Variants in SNX29 observed in about 807,000 individuals in gnomAD.
SNX29 encodes the protein sorting nexin-29.
In SNX29, 78 loss-of-function variants were observed where a neutral mutation model predicts 102.1. The ratio of observed to expected loss-of-function variants is 0.76; its 90% CI spans 0.64 to 0.92. The LOEUF (loss-of-function observed/expected upper bound fraction) is 0.92, where lower values mean the gene tolerates loss of function less well. Among genes scored for constraint, SNX29 ranks in the 40% least tolerant of loss-of-function variants. SNX29 has a pLI of 0.00. For synonymous variants in SNX29, 580 were observed against 414.5 expected, an observed-to-expected ratio of 1.40 and a Z score of -4.85; for missense variants, 1,280 against 1,061.7, an observed-to-expected ratio of 1.21 and a Z score of -2.86.
At chr16:12,549,213 C>G (rs1359761232) in intron 20 of SNX29, among the ~76,000 whole-genome samples, 1 of 152,174 alleles carries the variant, frequency 6.6e-6, no homozygotes. Flanking sequence ...ATGCTTGTGT[C>G]TGCCAGCCAT....
chr16:12,555,514 G>A (rs555122424), intron 20 of SNX29, among the ~76,000 whole-genome samples: 4 of 151,556 alleles, frequency 2.6e-5, no homozygotes, highest in East Asian at 2.0e-4. Flanking sequence ...GGGATTGACT[G>A]GACAGCGCCC....
In SNX29 at chr16:12,572,971, A is replaced by C. The variant is rs1218699875; in HGVS notation, c.*4342A>C. 1 of 528,080 alleles carries C rather than the reference A, an allele frequency of 1.9e-6. No homozygotes were observed. The highest frequency in any genetic ancestry group is 2.6e-6 in the Non-Finnish European group (1 of 388,804). The allele number at this position is 528,080 out of a possible 1,614,324, so 32.7% of individuals were successfully genotyped here. ...TATGAGCAAGGTCAAAGATTTTTCA[A>C]AATATTGTGCATTAATTCATTAAAG... On this transcript the variant is annotated 3_prime_UTR_variant, in exon 21 of 21. Coordinates refer to ENST00000566228, the MANE Select transcript of SNX29 (RefSeq NM_032167.5).
At chr16:12,304,984 A>G (rs2080294455) in intron 15 of SNX29, among the ~76,000 whole-genome samples, 1 of 152,238 alleles carries the variant, frequency 6.6e-6, no homozygotes, top group African/African-American at 2.4e-5. Context: ...ACTTAATGCT[A>G]AAATGCAACT....
At chr16:12,225,033 C>T (rs569790155) in intron 14 of SNX29, among the ~76,000 whole-genome samples, 2 of 152,186 alleles carry the variant, frequency 1.3e-5, no homozygotes, top group East Asian at 3.8e-4. Flanking sequence ...GGATCTTGAC[C>T]TCCTCTTACT....
intron 16 of SNX29, chr16:12,366,889 ACTCTCTCT>A (rs78636663): frequency 4.5e-5 from 4 of 88,254 alleles, no homozygotes; most frequent in Admixed American, 4.0e-4. Context: ...CCCCTGCCTG[ACTCTCTCT>A]CTCTGTGGTT....
rs771160114 is a variant in SNX29 at position 12,569,030 on chromosome 16, C to G, written c.*401C>G. 12 of 241,908 alleles carry G rather than the reference C, an allele frequency of 5.0e-5. No homozygotes were observed. Among genetic ancestry groups the G allele is most frequent in the Middle Eastern group, 1.2e-3 (1 of 818 alleles). The allele number at this position is 241,908 out of a possible 1,614,324, so 15.0% of individuals were successfully genotyped here. ...GGTTCATGCAGAGCCAGCCTCTCCACTCTTTCCCACGTGGGGACTAGAATG... is the reference window on the plus strand; with the variant it reads ...GGTTCATGCAGAGCCAGCCTCTCCAGTCTTTCCCACGTGGGGACTAGAATG... On this transcript the variant is annotated 3_prime_UTR_variant, in exon 21 of 21. Transcript: ENST00000566228.
chr16:12,084,771 T>A (rs1373700915), intron 11 of SNX29, among the ~76,000 whole-genome samples: 4 of 152,070 alleles, frequency 2.6e-5, no homozygotes, highest in Non-Finnish European at 5.9e-5. Flanking sequence ...GGATCAGAGT[T>A]AAGAGTCAAT....
chr16:12,322,607 G>A (rs1166447278), intron 15 of SNX29, among the ~76,000 whole-genome samples: 3 of 152,138 alleles, frequency 2.0e-5, no homozygotes, highest in East Asian at 3.9e-4. Flanking sequence ...ACTCCTTTGG[G>A]TAACTTGGGG....
intron 4 of SNX29, among the ~76,000 whole-genome samples, chr16:12,037,376 C>A (rs1421386195): frequency 6.6e-6 from 1 of 152,036 alleles, no homozygotes; most frequent in Non-Finnish European, 1.5e-5. Flanking sequence ...AGAACTTGTG[C>A]GAAGAGACCC....
At chr16:12,483,114 G>GT (rs574090459) in intron 19 of SNX29, among the ~76,000 whole-genome samples, 1,539 of 66,160 alleles carry the variant, frequency 0.023, 216 homozygotes, top group Middle Eastern at 0.037. Context: ...AAGTTATTAA[G>GT]TTTTTTTTTT....
At chr16:12,492,146 A>G (rs1049856503) in intron 19 of SNX29, among the ~76,000 whole-genome samples, 1 of 152,232 alleles carries the variant, frequency 6.6e-6, no homozygotes, top group Non-Finnish European at 1.5e-5. Context: ...AGTCCCACCA[A>G]CAGTGTAAAA....
Position 12,148,610 on chromosome 16 carries a change from T to C in SNX29, c.1595+18852T>C, listed in dbSNP as rs545684271. ...TTCCATAGCATTTCTTGTTTTCTAA[T>C]ACATCACTTCTTAGATTCATGATTT... On this transcript the variant is annotated intron_variant, in intron 13 of 20. Coordinates refer to ENST00000566228, the MANE Select transcript of SNX29 (RefSeq NM_032167.5). 1.5e-4 allele frequency among the ~76,000 whole-genome samples: 23 copies of C among 152,358 alleles called. 1 individual carries two copies. Among genetic ancestry groups the C allele is most frequent in the African/African-American group, 5.5e-4 (23 of 41,582 alleles).
chr16:12,532,890 C>T (rs983645390), intron 20 of SNX29, among the ~76,000 whole-genome samples: 2 of 152,216 alleles, frequency 1.3e-5, no homozygotes, highest in Admixed American at 6.5e-5. Context: ...GCAGAATCAA[C>T]ACCTAGCCCC....
At chr16:12,212,148 G>A (rs866952780) in intron 14 of SNX29, among the ~76,000 whole-genome samples, 6 of 152,134 alleles carry the variant, frequency 3.9e-5, no homozygotes, top group Admixed American at 6.5e-5. Context: ...CTGCCTATGT[G>A]GGGCAGCCTC....
intron 14 of SNX29, among the ~76,000 whole-genome samples, chr16:12,242,021 G>A (rs931482384): frequency 5.9e-5 from 9 of 152,078 alleles, no homozygotes; most frequent in Non-Finnish European, 2.9e-5. Flanking sequence ...GCCCAGCTCT[G>A]AGTGGCCAGG....
intron 13 of SNX29, among the ~76,000 whole-genome samples, chr16:12,170,325 G>A (rs1248749476): frequency 2.0e-5 from 3 of 151,994 alleles, no homozygotes; most frequent in African/African-American, 7.3e-5. Flanking sequence ...GTGAACGTGT[G>A]TATGTGAGCT....
At chr16:12,259,193 T>C (rs1397011611) in intron 14 of SNX29, among the ~76,000 whole-genome samples, 1 of 152,218 alleles carries the variant, frequency 6.6e-6, no homozygotes, top group Non-Finnish European at 1.5e-5. Flanking sequence ...GTTTGTCATT[T>C]ATTATATCGT....
At chr16:12,421,593 A>C (rs1034090712) in intron 18 of SNX29, among the ~76,000 whole-genome samples, 2 of 152,234 alleles carry the variant, frequency 1.3e-5, no homozygotes, top group African/African-American at 4.8e-5. Context: ...TGTTAGATTT[A>C]AGGAGGTAAA....
At chr16:12,463,578 A>T (rs1187121712) in intron 18 of SNX29, among the ~76,000 whole-genome samples, 1 of 152,154 alleles carries the variant, frequency 6.6e-6, no homozygotes, top group African/African-American at 2.4e-5. Flanking sequence ...ATTATCTCCC[A>T]CCGGGCCCCT....
Sources: gnomAD v4.1 joint callset for allele counts (sites outside exome capture counted in the v4.1 genomes callset) on GRCh38, gnomAD v4.1.1 for gene constraint, MANE v1.5 for transcripts, NCBI Gene and HGNC (gene_info 2026-07-23, HGNC 2026-07-21) for gene names.